Variants in SERPINE2 observed in about 807,000 individuals in gnomAD.
SERPINE2 encodes the protein glia-derived nexin.
In SERPINE2, 14 loss-of-function variants were observed where a neutral mutation model predicts 36.3. That is an observed-to-expected ratio of 0.39 (90% CI 0.25 to 0.60). SERPINE2 has a LOEUF of 0.60. Among genes scored for constraint, SERPINE2 ranks in the 20% least tolerant of loss-of-function variants. The pLI is 0.57. For synonymous variants in SERPINE2, 192 were observed against 191.8 expected (o/e 1.00, Z -0.01); for missense variants, 418 against 499.6 (o/e 0.84, Z 1.56).
chr2:224,009,205 G>T (rs1691536383), intron 1 of SERPINE2, among the ~76,000 whole-genome samples: 1 of 152,044 alleles, frequency 6.6e-6, no homozygotes, highest in South Asian at 2.1e-4. Flanking sequence ...GCCCCTCAGT[G>T]AAAGCTGACA....
intron 8 of SERPINE2, 75 bp downstream of exon 8, chr2:223,977,469 G>C: frequency 1.1e-6 from 1 of 924,240 alleles, no homozygotes; most frequent in Non-Finnish European, 1.8e-6. Flanking sequence ...CACCACTGTT[G>C]GATATAATGA....
At position 223,975,573 on chromosome 2, in the gene SERPINE2, A is replaced by G; in HGVS notation, c.*294T>C. 1 of 296,276 alleles carries G rather than the reference A, an allele frequency of 3.4e-6. No individual in the cohort carries two copies. The highest frequency in any genetic ancestry group is 5.6e-5 in the East Asian group (1 of 17,956). The allele number at this position is 296,276 out of a possible 1,614,324, so 18.4% of individuals were successfully genotyped here. A position where few individuals can be genotyped will look rare whatever the true frequency, so the allele number is the denominator to read the frequency against. ...AAAATTCCTGAACTGGACAAACAGC[A>G]AATACTCAACAGGGTTGTTAACCTA... is the stretch of plus-strand genomic sequence containing the variant. On this transcript the variant is annotated 3_prime_UTR_variant, in exon 9 of 9. Transcript: ENST00000409304.
intron 1 of SERPINE2, among the ~76,000 whole-genome samples, chr2:224,024,436 T>A (rs991917636): frequency 6.6e-6 from 1 of 152,222 alleles, no homozygotes; most frequent in African/African-American, 2.4e-5. Flanking sequence ...CCTGACTCCA[T>A]TTCCTTTGCT....
chr2:224,031,644 C>T (rs1692378867), intron 1 of SERPINE2, among the ~76,000 whole-genome samples: 1 of 152,140 alleles, frequency 6.6e-6, no homozygotes, highest in East Asian at 1.9e-4. Context: ...GACCATGTGA[C>T]TTAGCATCAG....
intron 3 of SERPINE2, among the ~76,000 whole-genome samples, chr2:223,993,658 A>T (rs780098714): frequency 6.6e-6 from 1 of 152,166 alleles, no homozygotes; most frequent in Non-Finnish European, 1.5e-5. Flanking sequence ...AGAATATCTA[A>T]TTCAGGGGTG....
chr2:224,025,136 A>AG (rs1278323322), intron 1 of SERPINE2, among the ~76,000 whole-genome samples: 1 of 152,186 alleles, frequency 6.6e-6, no homozygotes, highest in Non-Finnish European at 1.5e-5. Flanking sequence ...CACATCACAC[A>AG]GAAAAAAAAG....
At chr2:224,005,608 T>C (rs1005568183) in intron 1 of SERPINE2, among the ~76,000 whole-genome samples, 1 of 152,216 alleles carries the variant, frequency 6.6e-6, no homozygotes, top group Non-Finnish European at 1.5e-5. Flanking sequence ...AAATAGACAA[T>C]CGTTTACATG....
At chr2:223,998,029 C>G (rs1057293830) in intron 3 of SERPINE2, 86 bp downstream of exon 3, 58 of 1,094,072 alleles carry the variant, frequency 5.3e-5, no homozygotes, top group Non-Finnish European at 6.6e-5. Flanking sequence ...TTGAATTGGA[C>G]TTGCAGACAC....
intron 3 of SERPINE2, among the ~76,000 whole-genome samples, chr2:223,997,737 T>C (rs1690946737): frequency 6.6e-6 from 1 of 152,242 alleles, no homozygotes; most frequent in Middle Eastern, 3.4e-3. Flanking sequence ...TCAATCAACC[T>C]GGAAGGATGA....
At chr2:224,014,706 G>A (rs1691740404) in intron 1 of SERPINE2, among the ~76,000 whole-genome samples, 1 of 152,202 alleles carries the variant, frequency 6.6e-6, no homozygotes, top group Non-Finnish European at 1.5e-5. Flanking sequence ...TGGGTCTCAA[G>A]TGCCCAACAA....
chr2:224,030,212 G>C (rs1468742168), intron 1 of SERPINE2: 1 of 985,212 alleles, frequency 1.0e-6, no homozygotes, highest in African/African-American at 1.7e-5. Flanking sequence ...TGAAGCCTGC[G>C]GGCAGGACAG....
chr2:223,987,178 C>T (rs1371783581), intron 4 of SERPINE2, among the ~76,000 whole-genome samples: 2 of 152,152 alleles, frequency 1.3e-5, no homozygotes, highest in Non-Finnish European at 2.9e-5. Context: ...CTTTACAGAG[C>T]TATGAAAATT....
chr2:224,036,066 G>T (rs904051182), intron 1 of SERPINE2, among the ~76,000 whole-genome samples: 2 of 152,142 alleles, frequency 1.3e-5, no homozygotes, highest in East Asian at 3.9e-4. Flanking sequence ...AATCAATTTT[G>T]GATTTATTTT....
intron 1 of SERPINE2, among the ~76,000 whole-genome samples, chr2:224,004,834 T>A (rs1046000538): frequency 6.6e-6 from 1 of 151,458 alleles, no homozygotes; most frequent in Non-Finnish European, 1.5e-5. Flanking sequence ...GGTGTCTACA[T>A]TCGGCCCACT....
chr2:223,985,420 T>C (rs1015409436), intron 4 of SERPINE2, among the ~76,000 whole-genome samples: 10 of 152,130 alleles, frequency 6.6e-5, no homozygotes, highest in African/African-American at 2.4e-4. Context: ...ATATCCATTA[T>C]CTCACATAAT....
intron 7 of SERPINE2, chr2:223,977,868 A>G (rs1559191821): frequency 2.2e-6 from 1 of 461,434 alleles, no homozygotes; most frequent in East Asian, 3.7e-5. Flanking sequence ...TCTCTGATAA[A>G]CATACTTACT....
chr2:223,992,968 C>T (rs977049380), intron 3 of SERPINE2, among the ~76,000 whole-genome samples: 10 of 151,868 alleles, frequency 6.6e-5, no homozygotes, highest in African/African-American at 2.4e-4. Context: ...AAATTAAAAA[C>T]ATATTAGCCA....
chr2:224,003,130 A>C (rs1691253299), intron 1 of SERPINE2, among the ~76,000 whole-genome samples: 1 of 152,054 alleles, frequency 6.6e-6, no homozygotes, highest in Admixed American at 6.6e-5. Flanking sequence ...TGGGGGAAGG[A>C]GCCAGCCACA....
chr2:223,978,932 G>A (rs931550754), intron 7 of SERPINE2: 5 of 152,092 alleles, frequency 3.3e-5, no homozygotes, highest in Admixed American at 3.3e-4. Flanking sequence ...TATTTGAAGT[G>A]GGAGAGACAC....
Sources: gnomAD v4.1 joint callset for allele counts (sites outside exome capture counted in the v4.1 genomes callset) on GRCh38, gnomAD v4.1.1 for gene constraint, MANE v1.5 for transcripts, NCBI Gene and HGNC (gene_info 2026-07-23, HGNC 2026-07-21) for gene names.